The following GRB2 variants were observed in gnomAD, a reference collection of about 807,000 sequenced individuals.
GRB2 encodes growth factor receptor bound protein 2.
In GRB2, 2 loss-of-function variants were observed where a neutral mutation model predicts 27.4. That is an observed-to-expected ratio of 0.07 (90% CI 0.03 to 0.23). The LOEUF (loss-of-function observed/expected upper bound fraction) is 0.23, where lower values mean the gene tolerates loss of function less well. Ranked by LOEUF, GRB2 falls within the 10% of genes least tolerant of loss-of-function variation. GRB2 has a pLI of 1.00. For missense variants in GRB2, 102 were observed against 282.4 expected (o/e 0.36, Z 4.58); for synonymous variants, 94 against 99.6 (o/e 0.94, Z 0.33).
chr17:75,401,634 G>A (rs1281450692), intron 1 of GRB2, among the ~76,000 whole-genome samples: 1 of 152,176 alleles, frequency 6.6e-6, no homozygotes, highest in Non-Finnish European at 1.5e-5. Flanking sequence ...GTTAGACTTG[G>A]ATTCAAATGT....
At chr17:75,347,480 C>T (rs1406330707) in intron 2 of GRB2, among the ~76,000 whole-genome samples, 1 of 152,152 alleles carries the variant, frequency 6.6e-6, no homozygotes, top group Non-Finnish European at 1.5e-5. Context: ...AGCATGCATG[C>T]CCCTGTTCTG....
intron 2 of GRB2, among the ~76,000 whole-genome samples, chr17:75,388,164 T>C (rs1017374263): frequency 2.0e-5 from 3 of 152,238 alleles, no homozygotes; most frequent in Admixed American, 1.3e-4. Flanking sequence ...TGGCACAATC[T>C]TGGCTCACTG....
At position 75,359,824 on chromosome 17, in the gene GRB2, A is replaced by G. The variant is rs563769376; in HGVS notation, c.79-27027T>C. ...CTGAACCATGTATACCTGTCTCAAT[A>G]TACTCTTTTCTCTACTAAATTGAAC... On this transcript the variant is annotated intron_variant, in intron 2 of 5. Coordinates refer to ENST00000316804, the MANE Select transcript of GRB2 (RefSeq NM_002086.5). Among the ~76,000 whole-genome samples the G allele has an allele frequency of 5.3e-5, 8 of 152,280 alleles. No individual in the cohort carries two copies. In the East Asian group the frequency reaches 1.3e-3, roughly 26 times the overall value.
At chr17:75,328,561 A>G (rs186522068) in intron 3 of GRB2, among the ~76,000 whole-genome samples, 3 of 151,396 alleles carry the variant, frequency 2.0e-5, no homozygotes, top group African/African-American at 7.3e-5. Context: ...AATCGCTTGA[A>G]TCTCCGGGAG....
intron 1 of GRB2, among the ~76,000 whole-genome samples, chr17:75,398,158 C>T (rs1419686975): frequency 1.3e-5 from 2 of 152,034 alleles, no homozygotes; most frequent in Non-Finnish European, 1.5e-5. Flanking sequence ...CTATTTAAAA[C>T]ATATGAAAAG....
At chr17:75,359,549 T>G (rs942519968) in intron 2 of GRB2, among the ~76,000 whole-genome samples, 2 of 151,700 alleles carry the variant, frequency 1.3e-5, no homozygotes, top group Admixed American at 1.3e-4. Context: ...TTCAGATTGG[T>G]GTGAGTAAGC....
chr17:75,349,922 G>A (rs1030578592), intron 2 of GRB2, among the ~76,000 whole-genome samples: 2 of 151,878 alleles, frequency 1.3e-5, no homozygotes, highest in African/African-American at 4.8e-5. Flanking sequence ...GGATAGTATC[G>A]GTGGGAATAT....
At chr17:75,333,129 G>T (rs1175627570) in intron 2 of GRB2, among the ~76,000 whole-genome samples, 1 of 151,968 alleles carries the variant, frequency 6.6e-6, no homozygotes, top group Non-Finnish European at 1.5e-5. Context: ...AGGCTGAAGT[G>T]CAGTGGCGCG....
chr17:75,382,961 G>C (rs548085226), intron 2 of GRB2, among the ~76,000 whole-genome samples: 1 of 152,092 alleles, frequency 6.6e-6, no homozygotes, highest in South Asian at 2.1e-4. Context: ...CGCCTGCCTC[G>C]GCCTCCCAAA....
chr17:75,388,112 T>C (rs543133652), intron 2 of GRB2, among the ~76,000 whole-genome samples: 1 of 152,288 alleles, frequency 6.6e-6, no homozygotes, highest in South Asian at 2.1e-4. Context: ...TTTTTGTTTT[T>C]TTGAGATGGA....
intron 4 of GRB2, among the ~76,000 whole-genome samples, chr17:75,323,579 A>C (rs1221770318): frequency 6.6e-6 from 1 of 152,174 alleles, no homozygotes; most frequent in Non-Finnish European, 1.5e-5. Flanking sequence ...CTTTGCTTCT[A>C]AAACAATAAA....
chr17:75,358,919 A>ATT (rs1307268221), intron 2 of GRB2, among the ~76,000 whole-genome samples: 1 of 138,484 alleles, frequency 7.2e-6, no homozygotes, highest in Non-Finnish European at 1.6e-5. Context: ...ATATATAAAT[A>ATT]TATATATATA....
chr17:75,324,388 T>TTTG (rs2078481949), intron 4 of GRB2, among the ~76,000 whole-genome samples: 1 of 144,254 alleles, frequency 6.9e-6, no homozygotes, highest in Admixed American at 6.8e-5. Flanking sequence ...TTTTTTTTTT[T>TTTG]TAGTAGAGAC....
intron 4 of GRB2, among the ~76,000 whole-genome samples, chr17:75,323,868 G>A (rs1436103678): frequency 1.3e-5 from 2 of 151,594 alleles, no homozygotes; most frequent in African/African-American, 4.9e-5. Context: ...GGAATGCAAT[G>A]GCTCAGTCTC....
intron 2 of GRB2, among the ~76,000 whole-genome samples, chr17:75,338,217 A>G (rs1018405976): frequency 1.3e-5 from 2 of 152,020 alleles, no homozygotes; most frequent in African/African-American, 4.8e-5. Flanking sequence ...GGCGCCTGTC[A>G]CCATGCTCAG....
chr17:75,403,578 A>G (rs2079077934), intron 1 of GRB2, among the ~76,000 whole-genome samples: 1 of 152,036 alleles, frequency 6.6e-6, no homozygotes, highest in African/African-American at 2.4e-5. Flanking sequence ...CAGCCTGGCC[A>G]ACATGGTGAA....
chr17:75,363,748 T>A (rs946282619), intron 2 of GRB2, among the ~76,000 whole-genome samples: 1 of 151,606 alleles, frequency 6.6e-6, no homozygotes, highest in Non-Finnish European at 1.5e-5. Flanking sequence ...TAGTCCCAGC[T>A]ACTCGGGAGG....
chr17:75,322,387 A>G (rs2078466526), intron 4 of GRB2, among the ~76,000 whole-genome samples: 1 of 151,832 alleles, frequency 6.6e-6, no homozygotes, highest in South Asian at 2.1e-4. Flanking sequence ...AAAAAAAAAA[A>G]AAGAGTCCAT....
intron 2 of GRB2, among the ~76,000 whole-genome samples, chr17:75,382,954 C>T (rs2078938972): frequency 2.0e-5 from 3 of 152,172 alleles, no homozygotes; most frequent in Admixed American, 6.5e-5. Context: ...CGTGATCCGC[C>T]TGCCTCGGCC....
Sources: allele counts gnomAD v4.1 joint callset (sites outside exome capture counted in the v4.1 genomes callset), GRCh38; gene constraint gnomAD v4.1.1; transcripts MANE v1.5; gene names NCBI Gene and HGNC (gene_info 2026-07-23, HGNC 2026-07-21).